The following COMMD1 variants were observed in gnomAD, a reference collection of about 807,000 sequenced individuals.
COMMD1 encodes copper metabolism domain containing 1.
A neutral mutation model predicts 17.2 loss-of-function variants in COMMD1; 10 were observed. That is an observed-to-expected ratio of 0.58 (90% CI 0.36 to 0.99). The LOEUF (loss-of-function observed/expected upper bound fraction) is 0.99. Ranked by LOEUF, COMMD1 falls within the 50% of genes least tolerant of loss-of-function variation. COMMD1 has a pLI of 0.01. For synonymous variants in COMMD1, 97 were observed against 91.6 expected, an observed-to-expected ratio of 1.06 and a Z score of -0.34; for missense variants, 270 against 231.8, an observed-to-expected ratio of 1.17 and a Z score of -1.07.
At chr2:62,089,263 C>T (rs1671756669) in intron 2 of COMMD1, among the ~76,000 whole-genome samples, 1 of 150,226 alleles carries the variant, frequency 6.7e-6, no homozygotes, top group African/African-American at 2.4e-5. Context: ...GCCATTTTCT[C>T]TTTCTTTTCT....
intron 2 of COMMD1, 83 bp downstream of exon 2, chr2:62,001,065 C>A: frequency 8.0e-7 from 1 of 1,257,696 alleles, no homozygotes; most frequent in Non-Finnish European, 1.1e-6. Flanking sequence ...TGATTTTATG[C>A]AATAACAGCA....
chr2:62,049,577 A>T (rs183240841), intron 2 of COMMD1, among the ~76,000 whole-genome samples: 1 of 152,330 alleles, frequency 6.6e-6, no homozygotes, highest in African/African-American at 2.4e-5. Flanking sequence ...TCAAAATGTC[A>T]GTCTTACCAT....
intron 2 of COMMD1, among the ~76,000 whole-genome samples, chr2:62,014,101 T>A (rs1318337126): frequency 6.6e-6 from 1 of 152,174 alleles, no homozygotes; most frequent in African/African-American, 2.4e-5. Flanking sequence ...GATGAGTGTC[T>A]TTGCAGATTC....
chr2:61,939,139 T>G (rs896575046), intron 1 of COMMD1, among the ~76,000 whole-genome samples: 7 of 152,034 alleles, frequency 4.6e-5, no homozygotes, highest in Non-Finnish European at 1.0e-4. Flanking sequence ...TGCCTGATTA[T>G]TCACATAAAG....
chr2:61,999,397 T>C (rs756769958), intron 1 of COMMD1, among the ~76,000 whole-genome samples: 1 of 152,230 alleles, frequency 6.6e-6, no homozygotes, highest in Admixed American at 6.5e-5. Flanking sequence ...AGTAGTATTA[T>C]TGTGAATGAG....
At chr2:62,051,215 G>T (rs1456628856) in intron 2 of COMMD1, among the ~76,000 whole-genome samples, 1 of 151,744 alleles carries the variant, frequency 6.6e-6, no homozygotes, top group Admixed American at 6.6e-5. Context: ...TTCATGATAG[G>T]CTTCTAGACT....
intron 1 of COMMD1, among the ~76,000 whole-genome samples, chr2:61,920,533 G>T (rs1271485366): frequency 6.6e-6 from 1 of 152,036 alleles, no homozygotes; most frequent in Non-Finnish European, 1.5e-5. Context: ...GTTAAAGGCT[G>T]AGGTGTTGCT....
intron 2 of COMMD1, among the ~76,000 whole-genome samples, chr2:62,022,940 A>G (rs763176049): frequency 6.6e-6 from 1 of 152,182 alleles, no homozygotes; most frequent in Non-Finnish European, 1.5e-5. Flanking sequence ...TTTTCAGAAT[A>G]TCCAGTTCAC....
At chr2:62,033,012 T>C (rs1482692682) in intron 2 of COMMD1, among the ~76,000 whole-genome samples, 1 of 152,200 alleles carries the variant, frequency 6.6e-6, no homozygotes, top group Non-Finnish European at 1.5e-5. Flanking sequence ...TCAGGTGATC[T>C]GCCCACCTTG....
At chr2:61,909,180 G>A (rs1023186076) in intron 1 of COMMD1, among the ~76,000 whole-genome samples, 3 of 151,640 alleles carry the variant, frequency 2.0e-5, no homozygotes, top group Non-Finnish European at 2.9e-5. Flanking sequence ...TGCCCGCCTC[G>A]GCCTCCCAAA....
At chr2:61,890,244 G>A (rs113499443) in intron 1 of COMMD1, among the ~76,000 whole-genome samples, 1 of 152,186 alleles carries the variant, frequency 6.6e-6, no homozygotes, top group African/African-American at 2.4e-5. Flanking sequence ...TTTTTGAGAC[G>A]GAGTTTCACT....
chr2:62,088,929 A>C (rs527557971), intron 2 of COMMD1, among the ~76,000 whole-genome samples: 24 of 152,362 alleles, frequency 1.6e-4, no homozygotes, highest in African/African-American at 5.5e-4. Context: ...AAGGCGGGAC[A>C]ACTCAAAGAG....
Position 62,048,323 on chromosome 2 carries a change from T to C in COMMD1, c.462+47341T>C, listed in dbSNP as rs558309378. ...TCAGCCTTCAGAGTAGCTGGGACTA[T>C]AGGCGCCCGCCACCACACCCGGCTA... is the stretch of plus-strand genomic sequence containing the variant. On this transcript the variant is annotated intron_variant, in intron 2 of 2. Coordinates refer to ENST00000311832, the MANE Select transcript of COMMD1 (RefSeq NM_152516.4). 2.3e-3 allele frequency among the ~76,000 whole-genome samples: 352 copies of C among 151,886 alleles called. 2 individuals are homozygous for C. The highest frequency in any genetic ancestry group is 0.021 in the Admixed American group (314 of 15,252).
intron 2 of COMMD1, among the ~76,000 whole-genome samples, chr2:62,113,753 A>T (rs1209978310): frequency 1.3e-5 from 2 of 152,254 alleles, no homozygotes; most frequent in Non-Finnish European, 2.9e-5. Context: ...CATTGTCATC[A>T]CATTGATTTA....
intron 1 of COMMD1, among the ~76,000 whole-genome samples, chr2:61,933,225 T>A (rs1670515580): frequency 6.6e-6 from 1 of 151,822 alleles, no homozygotes; most frequent in Non-Finnish European, 1.5e-5. Context: ...CTCAGCTGCT[T>A]GTATCCACAA....
At position 62,070,248 on chromosome 2, in the gene COMMD1, AC is replaced by A. The variant is rs1322499575; in HGVS notation, c.463-65582del. On this transcript the variant is annotated intron_variant, in intron 2 of 2. Transcript: ENST00000311832. Reference sequence around the variant, plus strand: ...TCCACTTACTAGTGATTTTTTCCCAACAAAAAGTAAATCAGAAATATAGTTG... The same window carrying A: ...TCCACTTACTAGTGATTTTTTCCCAAAAAAAGTAAATCAGAAATATAGTTG... The A allele has an allele frequency of 2.6e-5, 4 of 152,210 alleles. No homozygotes were observed. The East Asian group carries it at 7.7e-4, about 29-fold the overall frequency. The allele number at this position is 152,210 out of a possible 1,614,324, so 9.4% of individuals were successfully genotyped here.
At chr2:61,949,485 T>C (rs947081461) in intron 1 of COMMD1, among the ~76,000 whole-genome samples, 1 of 152,202 alleles carries the variant, frequency 6.6e-6, no homozygotes. Flanking sequence ...TAAGCCTTTT[T>C]ATTTATGGCT....
chr2:62,032,663 C>T (rs918231988), intron 2 of COMMD1, among the ~76,000 whole-genome samples: 1 of 152,214 alleles, frequency 6.6e-6, no homozygotes, highest in Non-Finnish European at 1.5e-5. Context: ...GGTGGAACCT[C>T]ATACATCCCT....
intron 1 of COMMD1, among the ~76,000 whole-genome samples, chr2:61,965,678 G>A (rs1478332637): frequency 6.6e-6 from 1 of 152,172 alleles, no homozygotes; most frequent in East Asian, 1.9e-4. Context: ...TACTAAATGT[G>A]CAAAAATGGT....
Sources: gnomAD v4.1 joint callset for allele counts (sites outside exome capture counted in the v4.1 genomes callset) on GRCh38, gnomAD v4.1.1 for gene constraint, MANE v1.5 for transcripts, NCBI Gene and HGNC (gene_info 2026-07-23, HGNC 2026-07-21) for gene names.